Variants in ADK observed in about 807,000 individuals in gnomAD.
ADK encodes the protein adenosine kinase, also known as N6,N6-dimethyladenosine kinase.
Under a neutral mutation model 44.7 loss-of-function variants are expected in ADK, and 24 were observed. The ratio of observed to expected loss-of-function variants is 0.54; its 90% CI spans 0.39 to 0.76. The LOEUF (loss-of-function observed/expected upper bound fraction) is 0.76, where lower values mean the gene tolerates loss of function less well. Ranked by LOEUF, ADK falls within the 30% of genes least tolerant of loss-of-function variation. The pLI, the probability that ADK is intolerant of heterozygous loss-of-function variation, is 0.00. For synonymous variants in ADK, 128 were observed against 142.6 expected, an observed-to-expected ratio of 0.90 and a Z score of 0.73; for missense variants, 321 against 425.1, an observed-to-expected ratio of 0.76 and a Z score of 2.15.
At chr10:74,411,638 C>T (rs917655965) in intron 6 of ADK, among the ~76,000 whole-genome samples, 1 of 152,186 alleles carries the variant, frequency 6.6e-6, no homozygotes, top group Admixed American at 6.5e-5. Flanking sequence ...GTGTTGATGG[C>T]TGCTGACTGC....
At position 74,532,861 on chromosome 10, in the gene ADK, G is replaced by A. The variant is rs1053960272; in HGVS notation, c.726+7435G>A. 2.4e-4 allele frequency among the ~76,000 whole-genome samples: 32 copies of A among 133,086 alleles called. No homozygotes were observed. The Admixed American group carries it at 2.5e-3, about 10-fold the overall frequency. 87.3% of individuals were successfully genotyped at this position (133,086 alleles called of 152,430 possible). A position where few individuals can be genotyped will look rare whatever the true frequency, so the allele number is the denominator to read the frequency against. On this transcript the variant is annotated intron_variant, in intron 7 of 10. Coordinates refer to ENST00000539909, the MANE Select transcript of ADK (RefSeq NM_006721.4). ...GGAGAACCCAGGAGGCGGAGGTTGC[G>A]ATGAGCCGAGATCATGCCACTGCAC...
chr10:74,706,647 A>C (rs773929733), intron 10 of ADK, among the ~76,000 whole-genome samples: 3 of 152,178 alleles, frequency 2.0e-5, no homozygotes, highest in Non-Finnish European at 4.4e-5. Context: ...TTATCATTCT[A>C]TAATAAATTT....
At chr10:74,253,447 C>T in intron 3 of ADK, among the ~76,000 whole-genome samples, 1 of 151,788 alleles carries the variant, frequency 6.6e-6, no homozygotes, top group African/African-American at 2.4e-5. Context: ...TGATGGAAAG[C>T]TTCTTCTGCC....
chr10:74,527,623 T>G, intron 7 of ADK: 1 of 791,854 alleles, frequency 1.3e-6, no homozygotes. Flanking sequence ...GAGAGCAGCT[T>G]CAGGAATCTT....
intron 7 of ADK, among the ~76,000 whole-genome samples, chr10:74,568,053 A>G (rs1338905179): frequency 2.6e-5 from 4 of 152,076 alleles, no homozygotes; most frequent in Non-Finnish European, 4.4e-5. Flanking sequence ...TGTCCAAACT[A>G]TGACCCATGG....
chr10:74,189,897 G>A (rs1160218490), intron 1 of ADK, among the ~76,000 whole-genome samples: 4 of 151,844 alleles, frequency 2.6e-5, no homozygotes, highest in Non-Finnish European at 5.9e-5. Flanking sequence ...TGTTTTCAAA[G>A]TTCATACATG....
intron 6 of ADK, among the ~76,000 whole-genome samples, chr10:74,504,707 G>A (rs540430417): frequency 6.6e-6 from 1 of 151,978 alleles, no homozygotes; most frequent in South Asian, 2.1e-4. Flanking sequence ...TAGATCATGG[G>A]GGCCATTTCC....
At chr10:74,230,689 T>G (rs1844726194) in intron 3 of ADK, among the ~76,000 whole-genome samples, 1 of 151,606 alleles carries the variant, frequency 6.6e-6, no homozygotes, top group Non-Finnish European at 1.5e-5. Context: ...AGTAACTTTT[T>G]TTTTTTTTTT....
At chr10:74,403,665 G>A (rs1843797830) in intron 6 of ADK, among the ~76,000 whole-genome samples, 1 of 152,108 alleles carries the variant, frequency 6.6e-6, no homozygotes. Flanking sequence ...CCTTGGCTAG[G>A]AAATGGAATT....
intron 6 of ADK, among the ~76,000 whole-genome samples, chr10:74,474,400 C>G (rs4745746): frequency 1 from 152,354 of 152,354 alleles, 76,177 homozygotes; most frequent in Non-Finnish European, 1. Context: ...ACCACACCTA[C>G]TCTGTATTCG....
At chr10:74,346,817 C>T (rs1398598605) in intron 4 of ADK, among the ~76,000 whole-genome samples, 1 of 151,986 alleles carries the variant, frequency 6.6e-6, no homozygotes, top group African/African-American at 2.4e-5. Flanking sequence ...AGAGAAAAAC[C>T]ATTTATTTTC....
intron 4 of ADK, among the ~76,000 whole-genome samples, chr10:74,366,332 G>A (rs1320341459): frequency 6.6e-6 from 1 of 152,106 alleles, no homozygotes. Context: ...AACCTAAAAT[G>A]CAATTAATAA....
chr10:74,377,238 C>G (rs1842844704), intron 4 of ADK, among the ~76,000 whole-genome samples: 1 of 152,140 alleles, frequency 6.6e-6, no homozygotes, highest in African/African-American at 2.4e-5. Context: ...ATCTGTAAAT[C>G]TGGAAAAGAG....
chr10:74,151,274 C>G lies in ADK; in HGVS notation c.-5C>G. ...GTAGAGCCAAAGTGGGGTGGGAGCG[C>G]GAAGATGGCAGCTGCTGAGGAGGAG... On this transcript the variant is annotated 5_prime_UTR_variant, in exon 1 of 11. Coordinates refer to ENST00000539909, the MANE Select transcript of ADK (RefSeq NM_006721.4). 2 of 1,549,554 alleles carry G rather than the reference C, an allele frequency of 1.3e-6. No individual in the cohort carries two copies. Among genetic ancestry groups the G allele is most frequent in the Non-Finnish European group, 1.7e-6 (2 of 1,146,838 alleles).
At chr10:74,483,870 T>C (rs979975945) in intron 6 of ADK, among the ~76,000 whole-genome samples, 1 of 152,206 alleles carries the variant, frequency 6.6e-6, no homozygotes, top group African/African-American at 2.4e-5. Context: ...CAGTCTGGAC[T>C]TGACTGTCCA....
chr10:74,438,364 A>G (rs1046704356), intron 6 of ADK, among the ~76,000 whole-genome samples: 1 of 151,688 alleles, frequency 6.6e-6, no homozygotes, highest in Non-Finnish European at 1.5e-5. Context: ...AGCTGGGATT[A>G]CAGGTGCCTG....
chr10:74,335,636 GCCATTTCACATT>G (rs1049198687), intron 4 of ADK, among the ~76,000 whole-genome samples: 6 of 152,240 alleles, frequency 3.9e-5, no homozygotes, highest in African/African-American at 1.4e-4. Flanking sequence ...AAGTGGCTGT[GCCATTTCACATT>G]CCCACTAGTA....
At chr10:74,177,939 A>AT (rs1842404562) in intron 1 of ADK, among the ~76,000 whole-genome samples, 8 of 93,486 alleles carry the variant, frequency 8.6e-5, no homozygotes, top group Admixed American at 7.5e-4. Flanking sequence ...ATATATATAT[A>AT]TATATATTTT....
intron 1 of ADK, chr10:74,176,981 C>A: frequency 6.6e-7 from 1 of 1,518,952 alleles, no homozygotes. Context: ...TGGTCTGGAG[C>A]CTGCCTCCGC....
Sources: allele counts gnomAD v4.1 joint callset (sites outside exome capture counted in the v4.1 genomes callset), GRCh38; gene constraint gnomAD v4.1.1; transcripts MANE v1.5; gene names NCBI Gene and HGNC (gene_info 2026-07-23, HGNC 2026-07-21).